OPRPN: variants seen among roughly 807,000 people sequenced by gnomAD.
OPRPN encodes the protein opiorphin prepropeptide, also known as basic proline-rich lacrimal protein.
In OPRPN, 1 loss-of-function variant was observed where a neutral mutation model predicts 2.2. The ratio of observed to expected loss-of-function variants is 0.45; its 90% CI spans 0.16 to 2.15. The LOEUF (loss-of-function observed/expected upper bound fraction) is 2.15, where lower values mean the gene tolerates loss of function less well. Ranked by LOEUF, OPRPN falls within the 30% of genes most tolerant of loss-of-function variation. The probability of loss-of-function intolerance (pLI) is 0.28; values close to 1 mark genes in which losing one functional copy is unlikely to be tolerated. For synonymous variants in OPRPN, 126 were observed against 111.5 expected, an observed-to-expected ratio of 1.13 and a Z score of -0.82; for missense variants, 306 against 297.3, an observed-to-expected ratio of 1.03 and a Z score of -0.21.
intron 2 of OPRPN, among the ~76,000 whole-genome samples, chr4:70,401,572 T>C (rs2109768944): frequency 6.6e-6 from 1 of 152,182 alleles, no homozygotes; most frequent in Middle Eastern, 3.4e-3. Context: ...GGGATGCTCC[T>C]TTACATAGCA....
chr4:70,404,755 C>A (rs1190425419), intron 2 of OPRPN, among the ~76,000 whole-genome samples: 2 of 152,166 alleles, frequency 1.3e-5, no homozygotes, highest in East Asian at 1.9e-4. Flanking sequence ...CTTACCCCTA[C>A]CTACAAGACC....
chr4:70,399,158 G>C (rs1403171093), intron 1 of OPRPN, 113 bp from the exon 2 acceptor site: 2 of 628,762 alleles, frequency 3.2e-6, no homozygotes, highest in African/African-American at 3.7e-5. Flanking sequence ...AGGTTATGTT[G>C]GTCTTTCTTC....
chr4:70,398,712 G>GA (rs1237543277), intron 1 of OPRPN, among the ~76,000 whole-genome samples: 1 of 151,660 alleles, frequency 6.6e-6, no homozygotes, highest in Non-Finnish European at 1.5e-5. Flanking sequence ...GAATAACTTG[G>GA]AAAAAAATCA....
Position 70,399,339 on chromosome 4 carries a change from A to T in OPRPN, c.51+3A>T. On this transcript the variant is annotated splice_donor_region_variant and intron_variant, in intron 2 of 2. Coordinates refer to ENST00000399575, the MANE Select transcript of OPRPN (RefSeq NM_021225.5). The stretch of plus-strand genomic sequence containing the variant: ...TGGCTCTTATTTCATGTTTCACAGT[A>T]AGTTCCCTCAATTCTAAATTTACTT... The T allele has an allele frequency of 6.3e-7, 1 of 1,579,604 alleles. No homozygotes were observed. The highest frequency in any genetic ancestry group is 8.7e-7 in the Non-Finnish European group (1 of 1,151,174).
chr4:70,400,222 G>T (rs182012208), intron 2 of OPRPN, among the ~76,000 whole-genome samples: 11 of 151,768 alleles, frequency 7.2e-5, no homozygotes, highest in Admixed American at 6.6e-4. Context: ...TACCAAAGTC[G>T]AATTCCAAAT....
rs749977492 is a variant in OPRPN at position 70,399,343 on chromosome 4, T to A, written c.51+7T>A. The A allele has an allele frequency of 7.0e-6, 11 of 1,573,076 alleles. No individual in the cohort carries two copies. The East Asian group carries it at 2.5e-4, about 35-fold the overall frequency. ...TCTTATTTCATGTTTCACAGTAAGT[T>A]CCCTCAATTCTAAATTTACTTGTTA... On this transcript the variant is annotated splice_region_variant and intron_variant, in intron 2 of 2. Transcript: ENST00000399575.
chr4:70,401,826 C>A (rs1044163610), intron 2 of OPRPN, among the ~76,000 whole-genome samples: 7 of 152,002 alleles, frequency 4.6e-5, no homozygotes, highest in Non-Finnish European at 1.0e-4. Context: ...AGATGAGTAA[C>A]GACAGCATTT....
In OPRPN at chr4:70,409,832, C is replaced by A. The variant is rs1733183191; in HGVS notation, c.504C>A (p.Ser168=). 1 of 1,612,582 alleles carries A rather than the reference C, an allele frequency of 6.2e-7. No homozygotes were observed. The highest frequency in any genetic ancestry group is 2.2e-5 in the East Asian group (1 of 44,874). The part of the protein sequence containing the change: ...PTTATATTST[S]TKPTMTISSS... ...CTGCAACAGCAACCACCAGCACTTC[C>A]ACAAAACCCACAATGACGATCAGCT... The change falls in exon 3 of 3, where the codon TCC becomes TCA. Residue 168 remains serine (S), a synonymous_variant. Coordinates refer to ENST00000399575, the MANE Select transcript of OPRPN (RefSeq NM_021225.5).
At chr4:70,408,884 CAG>C (rs889094037) in intron 2 of OPRPN, among the ~76,000 whole-genome samples, 3 of 152,176 alleles carry the variant, frequency 2.0e-5, no homozygotes, top group African/African-American at 2.4e-5. Flanking sequence ...CTCACATAAG[CAG>C]AGTCTTAAAT....
In OPRPN at chr4:70,409,384, G is replaced by C. The variant is rs1399479965; in HGVS notation, c.56G>C (p.Ser19Thr). ...CCTTTGTTTTTATCTCCACAGCCCA[G>C]TGAGAGTCAAAGATTCTCCAGAAGA... ...LLALISCFTP[S>T]ESQRFSRRPY... The change falls in exon 3 of 3, where the codon AGT (serine) becomes ACT (threonine). Residue 19 changes from serine to threonine, a missense_variant. By Grantham distance (58) the Ser-to-Thr change is moderately conservative. Coordinates refer to ENST00000399575, the MANE Select transcript of OPRPN (RefSeq NM_021225.5). 3 of 1,604,292 alleles carry C rather than the reference G, an allele frequency of 1.9e-6. No homozygotes were observed. In the African/African-American group the frequency reaches 4.0e-5, roughly 22 times the overall value.
At chr4:70,405,857 A>G (rs894261195) in intron 2 of OPRPN, among the ~76,000 whole-genome samples, 4 of 151,998 alleles carry the variant, frequency 2.6e-5, no homozygotes, top group Admixed American at 2.6e-4. Context: ...TAAGCTCAGG[A>G]GTTCGAGACT....
intron 2 of OPRPN, among the ~76,000 whole-genome samples, chr4:70,408,842 A>G (rs1733145259): frequency 6.6e-6 from 1 of 152,154 alleles, no homozygotes; most frequent in African/African-American, 2.4e-5. Context: ...TTGTATTGTC[A>G]TTGGAGGGTT....
rs1733194556 is a variant in OPRPN at position 70,410,072 on chromosome 4, T to G, written c.744T>G (p.Gly248=). 1 of 1,539,372 alleles carries G rather than the reference T, an allele frequency of 6.5e-7. No individual in the cohort carries two copies. Among genetic ancestry groups the G allele is most frequent in the South Asian group, 1.3e-5 (1 of 78,422 alleles). The stretch of plus-strand genomic sequence containing the variant: ...GGCAAAAACTCTTTGCCATTTTTGG[T>G]TGAACATGCAATAAATGATATTTTC... ...SFWQKLFAIF[G] is the part of the protein sequence containing the mutation. Residue 248 remains glycine (G), a synonymous_variant, in exon 3 of 3, where the codon GGT becomes GGG. Coordinates refer to ENST00000399575, the MANE Select transcript of OPRPN (RefSeq NM_021225.5).
chr4:70,404,382 C>G (rs1378605860), intron 2 of OPRPN, among the ~76,000 whole-genome samples: 2 of 152,132 alleles, frequency 1.3e-5, no homozygotes, highest in Non-Finnish European at 2.9e-5. Context: ...CATCTTCTTA[C>G]CCTTTCTCCA....
intron 1 of OPRPN, among the ~76,000 whole-genome samples, chr4:70,398,658 T>C (rs1482762164): frequency 6.6e-6 from 1 of 151,860 alleles, no homozygotes; most frequent in Non-Finnish European, 1.5e-5. Context: ...GATAAAAACA[T>C]CTTTTTTCTA....
At chr4:70,403,472 A>C (rs534943242) in intron 2 of OPRPN, among the ~76,000 whole-genome samples, 1 of 152,354 alleles carries the variant, frequency 6.6e-6, no homozygotes, top group Non-Finnish European at 1.5e-5. Context: ...TATGGCATGT[A>C]AAAACCTGAT....
At chr4:70,405,936 T>C (rs1169963444) in intron 2 of OPRPN, among the ~76,000 whole-genome samples, 2 of 150,688 alleles carry the variant, frequency 1.3e-5, no homozygotes, top group African/African-American at 4.9e-5. Flanking sequence ...GGTATGGTGG[T>C]GCACTCCTGT....
intron 2 of OPRPN, among the ~76,000 whole-genome samples, chr4:70,400,718 TAAATC>T (rs936067441): frequency 6.6e-6 from 1 of 152,018 alleles, no homozygotes; most frequent in African/African-American, 2.4e-5. Flanking sequence ...AAATTCAACT[TAAATC>T]AATCCATCAT....
At chr4:70,402,475 C>T (rs1269637631) in intron 2 of OPRPN, among the ~76,000 whole-genome samples, 1 of 152,018 alleles carries the variant, frequency 6.6e-6, no homozygotes, top group East Asian at 1.9e-4. Context: ...TGCTTATCAC[C>T]AAATATGGGG....
Sources: gnomAD v4.1 joint callset for allele counts (sites outside exome capture counted in the v4.1 genomes callset) on GRCh38, gnomAD v4.1.1 for gene constraint, MANE v1.5 for transcripts, NCBI Gene and HGNC (gene_info 2026-07-23, HGNC 2026-07-21) for gene names.